CNBD1: variants seen among roughly 807,000 people sequenced by gnomAD.
CNBD1 encodes the protein cyclic nucleotide binding domain containing 1.
In CNBD1, 71 loss-of-function variants were observed where a neutral mutation model predicts 54.4. The observed-to-expected ratio is 1.30, with a 90% CI of 1.08 to 1.59. The LOEUF (loss-of-function observed/expected upper bound fraction) is 1.59. Among genes scored for constraint, CNBD1 ranks in the 40% most tolerant of loss-of-function variants. The pLI is 0.00. For synonymous variants in CNBD1, 182 were observed against 170.7 expected, an observed-to-expected ratio of 1.07 and a Z score of -0.51; for missense variants, 659 against 518.0, an observed-to-expected ratio of 1.27 and a Z score of -2.64.
intron 8 of CNBD1, among the ~76,000 whole-genome samples, chr8:87,338,326 C>G (rs898884391): frequency 6.6e-6 from 1 of 152,218 alleles, no homozygotes; most frequent in Middle Eastern, 3.4e-3. Flanking sequence ...TTCCTTTTCT[C>G]TAAATATTTC....
intron 8 of CNBD1, among the ~76,000 whole-genome samples, chr8:87,316,241 T>C (rs1184544245): frequency 1.3e-5 from 2 of 152,016 alleles, no homozygotes; most frequent in Non-Finnish European, 2.9e-5. Context: ...TACCAACGAA[T>C]AGTAAAATCT....
At chr8:87,333,021 A>G (rs1394238443) in intron 8 of CNBD1, among the ~76,000 whole-genome samples, 1 of 152,010 alleles carries the variant, frequency 6.6e-6, no homozygotes, top group Admixed American at 6.6e-5. Context: ...ATGTTTCTCC[A>G]TTTGTTTGTG....
At chr8:87,329,426 A>C (rs953317607) in intron 8 of CNBD1, among the ~76,000 whole-genome samples, 8 of 152,070 alleles carry the variant, frequency 5.3e-5, no homozygotes, top group African/African-American at 1.9e-4. Context: ...TTAGTTTGTC[A>C]ATGTCTGCAA....
intron 6 of CNBD1, among the ~76,000 whole-genome samples, chr8:87,247,601 G>A (rs1181926807): frequency 6.7e-6 from 1 of 148,302 alleles, no homozygotes; most frequent in Non-Finnish European, 1.5e-5. Context: ...CTGCGTCACT[G>A]AAATATGCTG....
chr8:87,203,190 A>G (rs1388925974), intron 4 of CNBD1, among the ~76,000 whole-genome samples: 1 of 152,228 alleles, frequency 6.6e-6, no homozygotes. Context: ...CAGAAAGAAT[A>G]TCAGACACAT....
chr8:87,175,912 C>T (rs555286922), intron 4 of CNBD1, among the ~76,000 whole-genome samples: 31 of 152,308 alleles, frequency 2.0e-4, no homozygotes, highest in African/African-American at 7.2e-4. Context: ...ATGGGTGATT[C>T]TCCTCTGGCT....
chr8:86,866,454 T>A lies in CNBD1; in HGVS notation c.-42T>A. Reference sequence around the variant, plus strand: ...CAGGCAAAGAGTGATCATTTGCCTCTCAAGCAGCCTCTGGTCATCTATCTG... The same window carrying A: ...CAGGCAAAGAGTGATCATTTGCCTCACAAGCAGCCTCTGGTCATCTATCTG... On this transcript the variant is annotated 5_prime_UTR_variant, in exon 1 of 11. Transcript: ENST00000518476. 2.0e-6 allele frequency: 3 copies of A among 1,470,440 alleles called. No homozygotes were observed. Among genetic ancestry groups the A allele is most frequent in the Non-Finnish European group, 2.8e-6 (3 of 1,061,182 alleles). 91.1% of individuals were successfully genotyped at this position (1,470,440 alleles called of 1,614,324 possible). A position where few individuals can be genotyped will look rare whatever the true frequency, so the allele number is the denominator to read the frequency against.
chr8:86,954,876 C>T (rs755181572), intron 4 of CNBD1, among the ~76,000 whole-genome samples: 16 of 152,148 alleles, frequency 1.1e-4, no homozygotes, highest in African/African-American at 1.4e-4. Flanking sequence ...GGTACATGTG[C>T]ACAACGTGCA....
intron 8 of CNBD1, among the ~76,000 whole-genome samples, chr8:87,329,104 G>T (rs1232313932): frequency 2.6e-5 from 4 of 151,898 alleles, no homozygotes; most frequent in South Asian, 2.1e-4. Flanking sequence ...TTTGTGAAAA[G>T]TATATGGTCT....
At chr8:86,947,578 A>G (rs1426215063) in intron 4 of CNBD1, among the ~76,000 whole-genome samples, 1 of 152,064 alleles carries the variant, frequency 6.6e-6, no homozygotes, top group Non-Finnish European at 1.5e-5. Context: ...TAATATTACC[A>G]TATTCTTGTT....
chr8:86,950,688 T>C (rs1017059739), intron 4 of CNBD1, among the ~76,000 whole-genome samples: 2 of 152,196 alleles, frequency 1.3e-5, no homozygotes, highest in African/African-American at 4.8e-5. Context: ...CATTGTCCCC[T>C]GTTTTTCAGA....
chr8:87,244,151 A>T (rs1199770800), intron 6 of CNBD1, among the ~76,000 whole-genome samples: 1 of 152,146 alleles, frequency 6.6e-6, no homozygotes, highest in African/African-American at 2.4e-5. Flanking sequence ...CAACATATGT[A>T]AGAAGTACAT....
At chr8:87,304,048 C>G (rs960503170) in intron 8 of CNBD1, among the ~76,000 whole-genome samples, 4 of 152,150 alleles carry the variant, frequency 2.6e-5, no homozygotes, top group Non-Finnish European at 5.9e-5. Context: ...GGACTGTAAA[C>G]TAGTTCAACC....
At chr8:87,129,916 G>A (rs1812081354) in intron 4 of CNBD1, among the ~76,000 whole-genome samples, 1 of 152,150 alleles carries the variant, frequency 6.6e-6, no homozygotes, top group Admixed American at 6.5e-5. Context: ...AGATTCACGT[G>A]GCTGGGGAAG....
intron 8 of CNBD1, among the ~76,000 whole-genome samples, chr8:87,304,649 A>G (rs1162248794): frequency 1.3e-5 from 2 of 152,252 alleles, no homozygotes; most frequent in African/African-American, 2.4e-5. Flanking sequence ...AAATAAATAA[A>G]TAAATAAAAA....
rs138836408 is a variant in CNBD1 at position 87,197,329 on chromosome 8, A to G, written c.432-8664A>G. On this transcript the variant is annotated intron_variant, in intron 4 of 10. Coordinates refer to ENST00000518476, the MANE Select transcript of CNBD1 (RefSeq NM_173538.3). The stretch of plus-strand genomic sequence containing the variant: ...GAGGTTAAGAGAGATGTGAAAGCCA[A>G]ATTTAGAGAAGTGAAAGCCAATTTT... 3.6e-3 allele frequency among the ~76,000 whole-genome samples: 546 copies of G among 152,334 alleles called. 5 individuals are homozygous for G. The highest frequency in any genetic ancestry group is 0.013 in the African/African-American group (524 of 41,574).
intron 4 of CNBD1, among the ~76,000 whole-genome samples, chr8:87,125,902 T>A (rs1811981096): frequency 6.6e-6 from 1 of 151,914 alleles, no homozygotes; most frequent in African/African-American, 2.4e-5. Flanking sequence ...AGTTTCCATT[T>A]CCTAAAATTT....
chr8:87,353,821 T>A (rs756591585), intron 10 of CNBD1, 35 bp downstream of exon 10: 1 of 1,497,700 alleles, frequency 6.7e-7, no homozygotes, highest in Non-Finnish European at 9.1e-7. Flanking sequence ...TGTTATACCA[T>A]TTTATTGGAT....
At chr8:87,051,260 A>T (rs1008600192) in intron 4 of CNBD1, among the ~76,000 whole-genome samples, 11 of 152,118 alleles carry the variant, frequency 7.2e-5, no homozygotes, top group African/African-American at 2.7e-4. Flanking sequence ...GGAGAGGAGA[A>T]CCAAAAGACT....
Sources: allele counts gnomAD v4.1 joint callset (sites outside exome capture counted in the v4.1 genomes callset), GRCh38; gene constraint gnomAD v4.1.1; transcripts MANE v1.5; gene names NCBI Gene and HGNC (gene_info 2026-07-23, HGNC 2026-07-21).